Variants in RABL3 observed in about 807,000 individuals in gnomAD.
RABL3 encodes the protein rab-like protein 3.
A neutral mutation model predicts 31.8 loss-of-function variants in RABL3; 31 were observed. The observed-to-expected ratio is 0.97, with a 90% CI of 0.73 to 1.31. The LOEUF is 1.31. RABL3 is among the 40% of genes most tolerant of loss of function. The probability of loss-of-function intolerance (pLI) is 0.00; values close to 1 mark genes in which losing one functional copy is unlikely to be tolerated. For synonymous variants in RABL3, 97 were observed against 99.9 expected (o/e 0.97, Z 0.18); for missense variants, 263 against 279.6 (o/e 0.94, Z 0.42).
intron 2 of RABL3, among the ~76,000 whole-genome samples, chr3:120,712,619 A>G (rs1233539653): frequency 6.6e-6 from 1 of 152,156 alleles, no homozygotes; most frequent in Admixed American, 6.5e-5. Flanking sequence ...ACACACCTCT[A>G]TCATTTCACT....
upstream of RABL3, chr3:120,742,666 G>C (rs572238785): frequency 1.4e-5 from 10 of 712,902 alleles, no homozygotes; most frequent in South Asian, 1.5e-4. Flanking sequence ...GTAAAAGGTA[G>C]CGGGGTGCTT....
chr3:120,689,925 C>G, intron 7 of RABL3, 37 bp from the exon 8 acceptor site: 1 of 1,522,146 alleles, frequency 6.6e-7, no homozygotes, highest in East Asian at 2.3e-5. Context: ...AAGTCTCAAG[C>G]AATAAAAGTT....
At chr3:120,701,944 G>A (rs1041290785) in intron 4 of RABL3, among the ~76,000 whole-genome samples, 1 of 152,126 alleles carries the variant, frequency 6.6e-6, no homozygotes, top group African/African-American at 2.4e-5. Flanking sequence ...TATTAAGGAA[G>A]ACTGCAATGT....
intron 4 of RABL3, among the ~76,000 whole-genome samples, chr3:120,702,591 T>A (rs544696700): frequency 1.3e-5 from 2 of 150,398 alleles, no homozygotes; most frequent in Non-Finnish European, 3.0e-5. Flanking sequence ...GGAGTCTCAC[T>A]CTGTTGCCCA....
At position 120,689,859 on chromosome 3, in the gene RABL3, A is replaced by G; in HGVS notation, c.675T>C (p.Phe225=). The change falls in exon 8 of 8, where the codon TTT becomes TTC. Residue 225 remains phenylalanine (F), a synonymous_variant. Transcript: ENST00000273375. ...QIPGFPDRKR[F]GAGTLKSLHY... ...GAAGGCTCTTTAATGTTCCTGCCCC[A>G]AATCTTTTCCGATCAGGAAAGCCTG... The G allele has an allele frequency of 6.2e-7, 1 of 1,613,360 alleles. No individual in the cohort carries two copies. The highest frequency in any genetic ancestry group is 8.5e-7 in the Non-Finnish European group (1 of 1,179,412).
intron 3 of RABL3, among the ~76,000 whole-genome samples, chr3:120,708,636 T>C (rs1330015620): frequency 2.6e-5 from 4 of 152,072 alleles, no homozygotes; most frequent in Non-Finnish European, 5.9e-5. Flanking sequence ...CACCTCACAC[T>C]ATACTTAGTC....
At chr3:120,702,882 G>A (rs9850589) in intron 4 of RABL3, among the ~76,000 whole-genome samples, 142,744 of 152,216 alleles carry the variant, frequency 0.94, 67,131 homozygotes, top group East Asian at 0.98. Context: ...TCTGACTGAT[G>A]GAACTGTATC....
intron 2 of RABL3, among the ~76,000 whole-genome samples, chr3:120,714,699 T>C (rs1254802222): frequency 6.6e-6 from 1 of 152,166 alleles, no homozygotes; most frequent in African/African-American, 2.4e-5. Context: ...TTACAACATA[T>C]CCAGTATTTT....
intron 1 of RABL3, among the ~76,000 whole-genome samples, chr3:120,735,652 G>C (rs949899417): frequency 1.3e-5 from 2 of 152,052 alleles, no homozygotes; most frequent in African/African-American, 4.8e-5. Context: ...GTCAGTTTTA[G>C]ATCTTTCCTG....
At chr3:120,741,835 C>T (rs1046522863) in intron 1 of RABL3, among the ~76,000 whole-genome samples, 12 of 152,188 alleles carry the variant, frequency 7.9e-5, no homozygotes, top group African/African-American at 2.9e-4. Context: ...AAATTAAGCT[C>T]AGTTAAGAAT....
chr3:120,705,969 A>G (rs1708543038), intron 4 of RABL3, 31 bp downstream of exon 4: 1 of 1,272,340 alleles, frequency 7.9e-7, no homozygotes, highest in Non-Finnish European at 1.2e-6. Context: ...GATTGCTACA[A>G]TCTTTCAAAC....
chr3:120,733,508 T>C (rs906428245), intron 1 of RABL3, among the ~76,000 whole-genome samples: 3 of 152,204 alleles, frequency 2.0e-5, no homozygotes, highest in South Asian at 2.1e-4. Context: ...ATTCTGTAGG[T>C]TGCCTGTTCA....
chr3:120,737,191 T>C (rs906486714), intron 1 of RABL3, among the ~76,000 whole-genome samples: 12 of 152,240 alleles, frequency 7.9e-5, no homozygotes, highest in African/African-American at 2.9e-4. Context: ...TATTTGCACA[T>C]AGTCCCATAT....
intron 2 of RABL3, among the ~76,000 whole-genome samples, chr3:120,714,596 GT>G (rs1708647251): frequency 6.6e-6 from 1 of 152,046 alleles, no homozygotes; most frequent in African/African-American, 2.4e-5. Flanking sequence ...GAAAAATTGA[GT>G]TAAACCTCTG....
intron 2 of RABL3, among the ~76,000 whole-genome samples, chr3:120,726,591 A>G (rs1708824012): frequency 6.6e-6 from 1 of 152,034 alleles, no homozygotes; most frequent in South Asian, 2.1e-4. Context: ...AAGTACAAAA[A>G]AATTAGCCGG....
At chr3:120,699,993 T>C (rs1359330032) in intron 4 of RABL3, among the ~76,000 whole-genome samples, 1 of 152,210 alleles carries the variant, frequency 6.6e-6, no homozygotes. Context: ...CTATCAAATA[T>C]CATCTTTGAT....
In RABL3 at chr3:120,698,576, G is replaced by A. The variant is rs146385667; in HGVS notation, c.384-3C>T. ...CAAACTGTTCTTGATCATAATCCCTGTGATAAATAATAATGAAGAGGTGAA... is the reference window on the plus strand; with the variant it reads ...CAAACTGTTCTTGATCATAATCCCTATGATAAATAATAATGAAGAGGTGAA... On this transcript the variant is annotated splice_polypyrimidine_tract_variant and splice_region_variant and intron_variant, in intron 4 of 7. Coordinates refer to ENST00000273375, the MANE Select transcript of RABL3 (RefSeq NM_173825.5). 3.6e-4 allele frequency: 580 copies of A among 1,604,888 alleles called. 1 individual carries two copies. The Middle Eastern group carries it at 4.0e-3, about 11-fold the overall frequency.
chr3:120,735,652 G>T (rs949899417), intron 1 of RABL3, among the ~76,000 whole-genome samples: 1 of 152,052 alleles, frequency 6.6e-6, no homozygotes, highest in Non-Finnish European at 1.5e-5. Flanking sequence ...GTCAGTTTTA[G>T]ATCTTTCCTG....
chr3:120,737,612 T>G (rs1415096713), intron 1 of RABL3, among the ~76,000 whole-genome samples: 1 of 152,244 alleles, frequency 6.6e-6, no homozygotes. Flanking sequence ...ATTTTTAGAC[T>G]TTTCAGCTTT....
Sources: gnomAD v4.1 joint callset for allele counts (sites outside exome capture counted in the v4.1 genomes callset) on GRCh38, gnomAD v4.1.1 for gene constraint, MANE v1.5 for transcripts, NCBI Gene and HGNC (gene_info 2026-07-23, HGNC 2026-07-21) for gene names.